The following GPR89A variants were observed in gnomAD, a reference collection of about 807,000 sequenced individuals.
GPR89A encodes the protein golgi pH regulator A, also known as G protein-coupled receptor 89A.
In GPR89A, 16 loss-of-function variants were observed where a neutral mutation model predicts 52.0. That is an observed-to-expected ratio of 0.31 (90% CI 0.21 to 0.47). The LOEUF is 0.47. GPR89A is among the 20% of genes least tolerant of loss of function. The pLI is 1.00. For synonymous variants in GPR89A, 55 were observed against 150.9 expected (o/e 0.36, Z 4.66); for missense variants, 135 against 449.4 (o/e 0.30, Z 6.33).
At chr1:145,636,484 A>G (rs1229126390) in intron 7 of GPR89A, among the ~76,000 whole-genome samples, 19 of 150,992 alleles carry the variant, frequency 1.3e-4, no homozygotes, top group Non-Finnish European at 1.2e-4. Context: ...AAAAAAGTTA[A>G]TGGTTTAAAA....
chr1:145,611,191 CTT>C, intron 1 of GPR89A, among the ~76,000 whole-genome samples: 1 of 138,444 alleles, frequency 7.2e-6, no homozygotes, highest in African/African-American at 2.7e-5. Context: ...TAGTTTAAGT[CTT>C]TTTTTTTTTT....
intron 7 of GPR89A, among the ~76,000 whole-genome samples, chr1:145,639,616 A>T (rs1232416761): frequency 6.6e-6 from 1 of 151,504 alleles, no homozygotes; most frequent in African/African-American, 2.4e-5. Flanking sequence ...ACATGGTGGC[A>T]TGCGCCTGTA....
chr1:145,619,183 A>G (rs1553687585), intron 3 of GPR89A, among the ~76,000 whole-genome samples: 1 of 152,018 alleles, frequency 6.6e-6, no homozygotes, highest in African/African-American at 2.4e-5. Flanking sequence ...GACCCCTGGC[A>G]CTTGAGACTT....
At chr1:145,660,745 A>C (rs1357270496) in intron 10 of GPR89A, among the ~76,000 whole-genome samples, 2 of 151,756 alleles carry the variant, frequency 1.3e-5, no homozygotes, top group Non-Finnish European at 2.9e-5. Context: ...GCAAATCAAA[A>C]CCACAATGAC....
chr1:145,619,345 C>T (rs1467262043), intron 3 of GPR89A, among the ~76,000 whole-genome samples: 1 of 149,250 alleles, frequency 6.7e-6, no homozygotes, highest in Non-Finnish European at 1.5e-5. Flanking sequence ...CATAGTGGCT[C>T]ACGCCTATAA....
chr1:145,639,705 C>T (rs1650498605), intron 7 of GPR89A, among the ~76,000 whole-genome samples: 1 of 151,478 alleles, frequency 6.6e-6, no homozygotes, highest in South Asian at 2.1e-4. Flanking sequence ...TGAGATTGCT[C>T]CCCTGCCCTC....
At chr1:145,655,422 T>G (rs1553694345) in intron 10 of GPR89A, among the ~76,000 whole-genome samples, 1 of 151,714 alleles carries the variant, frequency 6.6e-6, no homozygotes, top group Non-Finnish European at 1.5e-5. Context: ...TGATTCTTTC[T>G]CATCATCCTC....
chr1:145,608,408 G>A lies in GPR89A; in HGVS notation c.42+233G>A, dbSNP rs587620276. On this transcript the variant is annotated intron_variant, in intron 1 of 13. Coordinates refer to ENST00000313835, the MANE Select transcript of GPR89A (RefSeq NM_001097612.2). ...CGTCCCCACCCGGCATCCATCCCCGGAATTTCGGTCCACTTTTGGAAGCGG... is the reference window on the plus strand; with the variant it reads ...CGTCCCCACCCGGCATCCATCCCCGAAATTTCGGTCCACTTTTGGAAGCGG... 52 of 787,140 alleles carry A rather than the reference G, an allele frequency of 6.6e-5. No individual in the cohort carries two copies. In the South Asian group the frequency reaches 8.4e-4, roughly 13 times the overall value. 48.8% of individuals were successfully genotyped at this position (787,140 alleles called of 1,614,324 possible).
At chr1:145,623,744 G>C (rs587678424) in intron 5 of GPR89A, 30 bp downstream of exon 5, 6 of 1,596,354 alleles carry the variant, frequency 3.8e-6, no homozygotes, top group South Asian at 3.5e-5. Flanking sequence ...CAGAGGAAGT[G>C]GGGGGAGACG....
chr1:145,647,881 A>C (rs1377747125), intron 10 of GPR89A, among the ~76,000 whole-genome samples: 711 of 23,684 alleles, frequency 0.03, 3 homozygotes, highest in East Asian at 0.046. Context: ...CTCTCTCTCT[A>C]TATATATATA....
At chr1:145,613,442 CAA>C (rs1648438954) in intron 1 of GPR89A, among the ~76,000 whole-genome samples, 1 of 152,172 alleles carries the variant, frequency 6.6e-6, no homozygotes, top group Non-Finnish European at 1.5e-5. Flanking sequence ...TTGTTTCCTT[CAA>C]GTGTGTCTTC....
At chr1:145,663,457 G>C (rs782337978) in intron 11 of GPR89A, 33 bp downstream of exon 11, 1 of 1,610,198 alleles carries the variant, frequency 6.2e-7, no homozygotes, top group Non-Finnish European at 8.5e-7. Context: ...GGTTTGTCAT[G>C]TTTCTGTTTT....
chr1:145,612,864 C>T (rs1210292011), intron 1 of GPR89A, among the ~76,000 whole-genome samples: 2 of 151,996 alleles, frequency 1.3e-5, no homozygotes, highest in African/African-American at 4.8e-5. Flanking sequence ...CTGGCTCTCC[C>T]TAGAGTAATT....
intron 10 of GPR89A, among the ~76,000 whole-genome samples, chr1:145,653,038 T>G (rs1255970926): frequency 7.0e-6 from 1 of 141,942 alleles, no homozygotes; most frequent in Non-Finnish European, 1.5e-5. Flanking sequence ...TGTTTGCTCT[T>G]GGTTCTCTAG....
Position 145,663,425 on chromosome 1 carries a change from G to GT in GPR89A, c.1005+2dup, listed in dbSNP as rs1243826790. 2.5e-6 allele frequency: 4 copies of GT among 1,610,104 alleles called. No homozygotes were observed. The highest frequency in any genetic ancestry group is 2.7e-5 in the African/African-American group (2 of 74,718). ...GAATTATCTGGGAATCCAATTTGAT[G>GT]TAAGTGTTATATCAAGATCCTGGTT... On this transcript the variant is annotated splice_donor_variant, in intron 11 of 13. Transcript: ENST00000313835. LOFTEE classifies it high-confidence loss of function.
chr1:145,654,553 CAAAAAA>C (rs1559045894), intron 10 of GPR89A, among the ~76,000 whole-genome samples: 2 of 126,944 alleles, frequency 1.6e-5, no homozygotes, highest in African/African-American at 3.0e-5. Context: ...AATCCATCTA[CAAAAAA>C]AAAAAAAAAA....
At chr1:145,653,485 G>A (rs1651606186) in intron 10 of GPR89A, among the ~76,000 whole-genome samples, 1 of 149,112 alleles carries the variant, frequency 6.7e-6, no homozygotes, top group South Asian at 2.2e-4. Flanking sequence ...TGTCTATCAG[G>A]TCCACTTGAT....
At position 145,623,088 on chromosome 1, in the gene GPR89A, G is replaced by A. The variant is rs1649247502; in HGVS notation, c.241G>A (p.Val81Ile). The change falls in exon 4 of 14, where the codon GTA (valine) becomes ATA (isoleucine). Residue 81 changes from valine (V) to isoleucine (I), a missense_variant. Val to Ile is a conservative substitution (Grantham distance 29). Coordinates refer to ENST00000313835, the MANE Select transcript of GPR89A (RefSeq NM_001097612.2). ...TTTTCACTGGAAAATGAACCTGTGT[G>A]TAATTCTGCTGATCCTGGTTTTCAT... ...RYFHWKMNLC[V>I]ILLILVFMVP... 6.2e-7 allele frequency: 1 copy of A among 1,612,502 alleles called. No homozygotes were observed. Among genetic ancestry groups the A allele is most frequent in the Admixed American group, 1.7e-5 (1 of 59,882 alleles).
intron 5 of GPR89A, among the ~76,000 whole-genome samples, chr1:145,626,095 G>A (rs1157620185): frequency 3.3e-5 from 5 of 150,612 alleles, no homozygotes; most frequent in South Asian, 4.1e-4. Flanking sequence ...CAAAGGGAAC[G>A]ACTTGCACTA....
Sources: allele counts gnomAD v4.1 joint callset (sites outside exome capture counted in the v4.1 genomes callset), GRCh38; gene constraint gnomAD v4.1.1; transcripts MANE v1.5; gene names NCBI Gene and HGNC (gene_info 2026-07-23, HGNC 2026-07-21).